The following ANKS1B variants were observed in gnomAD, a reference collection of about 807,000 sequenced individuals.
ANKS1B encodes the protein ankyrin repeat and sterile alpha motif domain containing 1B, also known as ankyrin repeat and sterile alpha motif domain-containing protein 1B.
In ANKS1B, 36 loss-of-function variants were observed where a neutral mutation model predicts 148.3. That is an observed-to-expected ratio of 0.24 (90% CI 0.19 to 0.32). The LOEUF (loss-of-function observed/expected upper bound fraction) is 0.32, where lower values mean the gene tolerates loss of function less well. ANKS1B is among the 10% of genes least tolerant of loss of function. The probability of loss-of-function intolerance (pLI) is 1.00; values close to 1 mark genes in which losing one functional copy is unlikely to be tolerated. For missense variants in ANKS1B, 1,157 were observed against 1,542.6 expected (o/e 0.75, Z 4.19); for synonymous variants, 542 against 560.8 (o/e 0.97, Z 0.47).
At chr12:99,319,659 G>A (rs112011436) in intron 12 of ANKS1B, among the ~76,000 whole-genome samples, 211 of 152,250 alleles carry the variant, frequency 1.4e-3, no homozygotes, top group African/African-American at 4.7e-3. Flanking sequence ...TTTAATTGGA[G>A]CATTTAGCCC....
intron 17 of ANKS1B, among the ~76,000 whole-genome samples, chr12:98,834,831 T>A (rs1279048802): frequency 6.6e-6 from 1 of 152,192 alleles, no homozygotes; most frequent in African/African-American, 2.4e-5. Context: ...TTTTTAAGCA[T>A]CAAGACCAAA....
chr12:99,296,315 C>T (rs2080867373), intron 12 of ANKS1B, among the ~76,000 whole-genome samples: 2 of 152,158 alleles, frequency 1.3e-5, no homozygotes, highest in South Asian at 2.1e-4. Context: ...TTCTGCATTT[C>T]CATATGAATG....
intron 8 of ANKS1B, among the ~76,000 whole-genome samples, chr12:99,723,064 G>C (rs1341357456): frequency 2.0e-5 from 3 of 152,194 alleles, no homozygotes; most frequent in Non-Finnish European, 4.4e-5. Flanking sequence ...CAGGGCCTAG[G>C]ATCCCAACCA....
chr12:99,779,212 G>T (rs1334043111), intron 6 of ANKS1B, among the ~76,000 whole-genome samples: 1 of 152,190 alleles, frequency 6.6e-6, no homozygotes, highest in Non-Finnish European at 1.5e-5. Flanking sequence ...TAGAGCTAAT[G>T]ACTGCCACTA....
intron 8 of ANKS1B, among the ~76,000 whole-genome samples, chr12:99,748,114 A>G (rs6538932): frequency 0.44 from 66,388 of 151,892 alleles, 14,920 homozygotes; most frequent in South Asian, 0.61. Context: ...AGAAAGTATC[A>G]TGGTACTGGG....
intron 17 of ANKS1B, among the ~76,000 whole-genome samples, chr12:99,011,021 G>T (rs1164927570): frequency 2.0e-5 from 3 of 151,348 alleles, no homozygotes; most frequent in South Asian, 4.2e-4. Flanking sequence ...GGGATTACAG[G>T]CTCCAGCATC....
chr12:98,953,541 T>G (rs993933511), intron 17 of ANKS1B, among the ~76,000 whole-genome samples: 3 of 78,632 alleles, frequency 3.8e-5, no homozygotes, highest in East Asian at 4.2e-4. Flanking sequence ...AGAGTGGTTT[T>G]TTTTTTTTTT....
intron 16 of ANKS1B, among the ~76,000 whole-genome samples, chr12:99,063,653 G>A (rs2043162406): frequency 6.6e-6 from 1 of 152,322 alleles, no homozygotes; most frequent in East Asian, 1.9e-4. Context: ...ACTTAACAAT[G>A]ATGTGGGACT....
At chr12:98,954,170 T>G (rs750319103) in intron 17 of ANKS1B, among the ~76,000 whole-genome samples, 4 of 152,192 alleles carry the variant, frequency 2.6e-5, no homozygotes, top group Admixed American at 1.3e-4. Flanking sequence ...TTTAGATACT[T>G]AGATAATACT....
At chr12:99,675,671 C>CA (rs1162778005) in intron 8 of ANKS1B, among the ~76,000 whole-genome samples, 1 of 151,138 alleles carries the variant, frequency 6.6e-6, no homozygotes, top group Admixed American at 6.6e-5. Context: ...CAATCTAACC[C>CA]AAAAAAAGGT....
chr12:99,509,703 A>G (rs537960574), intron 9 of ANKS1B, among the ~76,000 whole-genome samples: 1 of 152,172 alleles, frequency 6.6e-6, no homozygotes, highest in South Asian at 2.1e-4. Flanking sequence ...AGCTGCAACA[A>G]GTTATCCAGA....
chr12:99,909,662 G>T (rs142865907), intron 1 of ANKS1B, among the ~76,000 whole-genome samples: 310 of 152,190 alleles, frequency 2.0e-3, no homozygotes, highest in African/African-American at 7.3e-3. Flanking sequence ...TTGAAATCAG[G>T]AAGTGTGATG....
At chr12:99,801,632 AG>A (rs1211217841) in intron 4 of ANKS1B, among the ~76,000 whole-genome samples, 1 of 152,172 alleles carries the variant, frequency 6.6e-6, no homozygotes, top group African/African-American at 2.4e-5. Context: ...GGTCAGAGAA[AG>A]GGGATGGTAA....
At chr12:99,762,768 C>T (rs2062258169) in intron 8 of ANKS1B, among the ~76,000 whole-genome samples, 2 of 151,886 alleles carry the variant, frequency 1.3e-5, no homozygotes, top group Non-Finnish European at 2.9e-5. Context: ...ATGCATCTGA[C>T]AAAGGTCTAA....
chr12:99,375,939 G>A (rs1430070158), intron 12 of ANKS1B, among the ~76,000 whole-genome samples: 1 of 152,166 alleles, frequency 6.6e-6, no homozygotes, highest in East Asian at 1.9e-4. Context: ...CTAAGAAAAT[G>A]AAGAACTAGA....
chr12:98,977,987 G>A (rs2099900386), intron 17 of ANKS1B, among the ~76,000 whole-genome samples: 1 of 152,054 alleles, frequency 6.6e-6, no homozygotes, highest in African/African-American at 2.4e-5. Flanking sequence ...TATAATATGG[G>A]AGAGATAGCA....
At chr12:98,892,399 G>A (rs1303231831) in intron 17 of ANKS1B, among the ~76,000 whole-genome samples, 1 of 152,136 alleles carries the variant, frequency 6.6e-6, no homozygotes, top group Non-Finnish European at 1.5e-5. Flanking sequence ...CATCATAAAC[G>A]ATTATTAGGA....
At chr12:99,962,053 T>A (rs185136299) in intron 1 of ANKS1B, among the ~76,000 whole-genome samples, 1 of 152,336 alleles carries the variant, frequency 6.6e-6, no homozygotes, top group East Asian at 1.9e-4. Flanking sequence ...TGACATTTTT[T>A]AAATCCAGGC....
At chr12:99,088,838 GTTT>G (rs386377539) in intron 15 of ANKS1B, among the ~76,000 whole-genome samples, 10 of 69,848 alleles carry the variant, frequency 1.4e-4, no homozygotes, top group African/African-American at 5.6e-4. Flanking sequence ...TTTAACTTCT[GTTT>G]TTTTTTTTTT....
Sources: allele counts gnomAD v4.1 joint callset (sites outside exome capture counted in the v4.1 genomes callset), GRCh38; gene constraint gnomAD v4.1.1; transcripts MANE v1.5; gene names NCBI Gene and HGNC (gene_info 2026-07-23, HGNC 2026-07-21).